The following NR1H4 variants were observed in gnomAD, a reference collection of about 807,000 sequenced individuals.
NR1H4 encodes nuclear receptor subfamily 1 group H member 4, also known as bile acid receptor.
In NR1H4, 23 loss-of-function variants were observed where a neutral mutation model predicts 58.5. The observed-to-expected ratio is 0.39, with a 90% CI of 0.28 to 0.56. NR1H4 has a LOEUF of 0.56. NR1H4 is among the 20% of genes least tolerant of loss of function. The pLI is 0.58. For synonymous variants in NR1H4, 214 were observed against 198.0 expected (o/e 1.08, Z -0.68); for missense variants, 487 against 576.9 (o/e 0.84, Z 1.60).
At chr12:100,508,817 C>T (rs1242013203) in intron 3 of NR1H4, among the ~76,000 whole-genome samples, 1 of 152,204 alleles carries the variant, frequency 6.6e-6, no homozygotes, top group Non-Finnish European at 1.5e-5. Context: ...CAAAAAACCA[C>T]GTTTTTCTAA....
At chr12:100,509,143 C>A (rs1051783881) in intron 3 of NR1H4, among the ~76,000 whole-genome samples, 3 of 152,272 alleles carry the variant, frequency 2.0e-5, no homozygotes, top group Middle Eastern at 6.8e-3. Context: ...ATCATCCCAA[C>A]CTTGCTGCCA....
At chr12:100,505,533 C>A in intron 3 of NR1H4, 1 of 696,402 alleles carries the variant, frequency 1.4e-6, no homozygotes, top group Non-Finnish European at 2.6e-6. Flanking sequence ...GGTGTTGAAA[C>A]CTGGAGACTG....
At chr12:100,507,926 C>T (rs1298304005) in intron 3 of NR1H4, among the ~76,000 whole-genome samples, 3 of 151,806 alleles carry the variant, frequency 2.0e-5, no homozygotes, top group Non-Finnish European at 2.9e-5. Context: ...GTAGAAAAGC[C>T]CTAAATTCTA....
At chr12:100,513,829 GA>G (rs1327184916) in intron 4 of NR1H4, among the ~76,000 whole-genome samples, 1 of 141,734 alleles carries the variant, frequency 7.1e-6, no homozygotes, top group African/African-American at 2.5e-5. Flanking sequence ...AGGAAGGAAG[GA>G]AGGAAGGAAG....
intron 10 of NR1H4, among the ~76,000 whole-genome samples, chr12:100,562,380 AAG>A (rs1251112093): frequency 2.6e-5 from 4 of 152,176 alleles, no homozygotes; most frequent in African/African-American, 4.8e-5. Flanking sequence ...AATATAAAGA[AAG>A]AGAGTGGCAC....
intron 8 of NR1H4, among the ~76,000 whole-genome samples, chr12:100,540,213 T>C (rs968574761): frequency 1.3e-5 from 2 of 152,190 alleles, no homozygotes; most frequent in African/African-American, 4.8e-5. Context: ...ATGACTTTGG[T>C]TGGCTGTTTT....
intron 9 of NR1H4, among the ~76,000 whole-genome samples, chr12:100,558,352 A>G (rs1264622207): frequency 2.7e-5 from 1 of 37,252 alleles, no homozygotes; most frequent in Admixed American, 2.2e-4. Context: ...TCCATCTCAA[A>G]AAAAAAAAAA....
chr12:100,474,745 C>A (rs1953231110), intron 1 of NR1H4, among the ~76,000 whole-genome samples: 1 of 152,096 alleles, frequency 6.6e-6, no homozygotes, highest in Non-Finnish European at 1.5e-5. Context: ...AATGGGGCAA[C>A]TGTGGAGCCT....
At position 100,500,556 on chromosome 12, in the gene NR1H4, G is replaced by A. The variant is rs538154895; in HGVS notation, c.79+7154G>A. Among the ~76,000 whole-genome samples, 180 of 152,150 alleles carry A rather than the reference G, an allele frequency of 1.2e-3. 1 individual carries two copies. The highest frequency in any genetic ancestry group is 2.2e-3 in the Non-Finnish European group (150 of 68,018). On this transcript the variant is annotated intron_variant, in intron 3 of 10. Coordinates refer to ENST00000392986, the MANE Select transcript of NR1H4 (RefSeq NM_001206979.2). ...AATTTAAATCAATTTAATTTAAATA[G>A]CCTGATATGGTTGGGCTCTGTGTCC...
intron 4 of NR1H4, among the ~76,000 whole-genome samples, chr12:100,527,363 A>G (rs2136215190): frequency 6.6e-6 from 1 of 152,172 alleles, no homozygotes; most frequent in Non-Finnish European, 1.5e-5. Flanking sequence ...CTCAGTCTCT[A>G]TAAAAAATTA....
intron 8 of NR1H4, 96 bp from the exon 9 acceptor site, chr12:100,540,576 A>G (rs939580481): frequency 7.3e-7 from 1 of 1,367,762 alleles, no homozygotes; most frequent in Non-Finnish European, 1.0e-6. Flanking sequence ...AAACAACTAC[A>G]GAATCACTTG....
chr12:100,534,207 T>C (rs1317346968), intron 5 of NR1H4, among the ~76,000 whole-genome samples: 1 of 152,222 alleles, frequency 6.6e-6, no homozygotes, highest in African/African-American at 2.4e-5. Flanking sequence ...TAGCTCTCTT[T>C]AAGTGTAAAT....
intron 3 of NR1H4, among the ~76,000 whole-genome samples, chr12:100,509,667 C>G (rs959716303): frequency 6.6e-6 from 1 of 152,166 alleles, no homozygotes. Context: ...TTGTAAGTAA[C>G]AGAGCAGGAA....
intron 4 of NR1H4, among the ~76,000 whole-genome samples, 165 bp from the exon 5 acceptor site, chr12:100,532,293 C>G (rs1334459763): frequency 6.6e-6 from 1 of 152,222 alleles, no homozygotes; most frequent in Non-Finnish European, 1.5e-5. Context: ...GGCTTCTCAA[C>G]AACACAATGT....
At chr12:100,498,921 G>A (rs950128658) in intron 3 of NR1H4, among the ~76,000 whole-genome samples, 6 of 151,756 alleles carry the variant, frequency 4.0e-5, no homozygotes, top group East Asian at 1.9e-4. Context: ...CTTAGGGTGC[G>A]CTTTATTTCT....
intron 3 of NR1H4, among the ~76,000 whole-genome samples, chr12:100,498,263 CCA>C (rs1807411688): frequency 1.3e-5 from 2 of 152,110 alleles, no homozygotes; most frequent in Non-Finnish European, 2.9e-5. Context: ...AAACACCATT[CCA>C]CTCATTAAAA....
chr12:100,476,261 A>G (rs1464295268), intron 1 of NR1H4, among the ~76,000 whole-genome samples: 1 of 152,154 alleles, frequency 6.6e-6, no homozygotes, highest in Non-Finnish European at 1.5e-5. Flanking sequence ...CCAGCCGTTA[A>G]GCATTCCAGC....
intron 4 of NR1H4, among the ~76,000 whole-genome samples, chr12:100,511,473 AAAAG>A (rs1199409245): frequency 3.9e-5 from 6 of 152,226 alleles, no homozygotes; most frequent in East Asian, 1.9e-4. Context: ...GTTTTTTTAA[AAAAG>A]AAAGAAGAAA....
Position 100,477,289 on chromosome 12 carries a change from G to A in NR1H4, c.-190+3230G>A, listed in dbSNP as rs1353872293. On this transcript the variant is annotated intron_variant, in intron 1 of 10. Coordinates refer to ENST00000392986, the MANE Select transcript of NR1H4 (RefSeq NM_001206979.2). ...AAATATTGCACAGGAAAAAAAATAA[G>A]ATTTATTCTTTGTTAGGATTAAGAA... 3.9e-5 allele frequency among the ~76,000 whole-genome samples: 6 copies of A among 152,202 alleles called. No individual in the cohort carries two copies. In the East Asian group the frequency reaches 1.2e-3, roughly 29 times the overall value.
Sources: allele counts gnomAD v4.1 joint callset (sites outside exome capture counted in the v4.1 genomes callset), GRCh38; gene constraint gnomAD v4.1.1; transcripts MANE v1.5; gene names NCBI Gene and HGNC (gene_info 2026-07-23, HGNC 2026-07-21).